RAD54B: variants seen among roughly 807,000 people sequenced by gnomAD.
RAD54B encodes RAD54 homolog B.
In RAD54B, 78 loss-of-function variants were observed where a neutral mutation model predicts 95.8. The observed-to-expected ratio is 0.81, with a 90% CI of 0.68 to 0.98. RAD54B has a LOEUF of 0.98. Ranked by LOEUF, RAD54B falls within the 50% of genes least tolerant of loss-of-function variation. The probability of loss-of-function intolerance (pLI) is 0.00; values close to 1 mark genes in which losing one functional copy is unlikely to be tolerated. For missense variants in RAD54B, 957 were observed against 1,056.6 expected (o/e 0.91, Z 1.31); for synonymous variants, 328 against 354.9 (o/e 0.92, Z 0.85).
intron 3 of RAD54B, chr8:94,436,689 G>A (rs773504784): frequency 6.4e-7 from 1 of 1,550,664 alleles, no homozygotes; most frequent in South Asian, 1.2e-5. Flanking sequence ...TTCGAGGAGG[G>A]CGGTCTACTC....
intron 3 of RAD54B, among the ~76,000 whole-genome samples, chr8:94,455,114 A>G (rs1812751261): frequency 6.6e-6 from 1 of 152,212 alleles, no homozygotes; most frequent in Non-Finnish European, 1.5e-5. Context: ...CTTTATTTAC[A>G]TACTTACTCG....
chr8:94,420,761 G>A (rs1002377423), intron 3 of RAD54B, among the ~76,000 whole-genome samples: 1 of 151,990 alleles, frequency 6.6e-6, no homozygotes, highest in Non-Finnish European at 1.5e-5. Context: ...AAGGTGGGCG[G>A]ATCACCTGAG....
At chr8:94,431,427 T>G (rs1212998318) in intron 3 of RAD54B, 1 of 981,630 alleles carries the variant, frequency 1.0e-6, no homozygotes, top group Non-Finnish European at 1.2e-6. Context: ...AAAGGCAATT[T>G]TAATGAAAGA....
chr8:94,404,075 A>C lies in RAD54B; in HGVS notation c.944+2T>G. 6.3e-7 allele frequency: 1 copy of C among 1,584,382 alleles called. No individual in the cohort carries two copies. The highest frequency in any genetic ancestry group is 8.6e-7 in the Non-Finnish European group (1 of 1,164,874). On this transcript the variant is annotated splice_donor_variant, in intron 6 of 14. Transcript: ENST00000336148. LOFTEE classifies it high-confidence loss of function. Reference sequence around the variant, plus strand: ...GATTAAACAAATGATTTATTTTCCTACCTCATTCCCATTACACATTCATAA... The same window carrying C: ...GATTAAACAAATGATTTATTTTCCTCCCTCATTCCCATTACACATTCATAA...
At chr8:94,436,922 T>C in intron 3 of RAD54B, 1 of 1,460,202 alleles carries the variant, frequency 6.8e-7, no homozygotes, top group Non-Finnish European at 9.0e-7. Context: ...AGCCTTCAGC[T>C]CTGCTCAGCT....
chr8:94,453,431 G>A (rs982585799), intron 3 of RAD54B, among the ~76,000 whole-genome samples: 1 of 152,106 alleles, frequency 6.6e-6, no homozygotes, highest in African/African-American at 2.4e-5. Flanking sequence ...TCAGGAGGCT[G>A]AGGCAGAAGA....
At chr8:94,373,338 C>G (rs1482475677) in intron 14 of RAD54B, among the ~76,000 whole-genome samples, 1 of 152,254 alleles carries the variant, frequency 6.6e-6, no homozygotes, top group African/African-American at 2.4e-5. Context: ...AAATCCATTT[C>G]TCTTTCCTCC....
chr8:94,427,626 T>C (rs1002626191), intron 3 of RAD54B: 3 of 679,106 alleles, frequency 4.4e-6, no homozygotes, highest in East Asian at 2.7e-4. Flanking sequence ...TCTAAATAAA[T>C]GTATTTCAAT....
At chr8:94,436,754 T>G in intron 3 of RAD54B, 1 of 1,550,656 alleles carries the variant, frequency 6.4e-7, no homozygotes, top group Non-Finnish European at 8.7e-7. Flanking sequence ...TTTTCTACTA[T>G]TACTGAATGT....
chr8:94,434,605 T>TA, intron 3 of RAD54B, among the ~76,000 whole-genome samples: 1 of 151,972 alleles, frequency 6.6e-6, no homozygotes, highest in African/African-American at 2.4e-5. Context: ...CATATTTATG[T>TA]AGAAGTATAG....
intron 3 of RAD54B, chr8:94,432,667 C>A (rs1326070087): frequency 1.4e-6 from 2 of 1,469,204 alleles, no homozygotes; most frequent in African/African-American, 1.4e-5. Context: ...CTATAGCACA[C>A]AAAAAAGCAT....
chr8:94,428,934 T>C, intron 3 of RAD54B: 2 of 984,076 alleles, frequency 2.0e-6, no homozygotes, highest in Non-Finnish European at 1.2e-6. Flanking sequence ...AAAAGGATTC[T>C]ATGGTCAAAT....
At chr8:94,473,506 TAAATG>T (rs1253592551) in intron 1 of RAD54B, among the ~76,000 whole-genome samples, 4 of 152,202 alleles carry the variant, frequency 2.6e-5, no homozygotes, top group Non-Finnish European at 5.9e-5. Flanking sequence ...TTGGGAGGAT[TAAATG>T]AAATATGTAA....
intron 10 of RAD54B, among the ~76,000 whole-genome samples, chr8:94,387,790 C>A (rs1031834588): frequency 9.2e-5 from 14 of 152,072 alleles, no homozygotes; most frequent in Non-Finnish European, 2.1e-4. Context: ...CTGAAATTCC[C>A]CCTCCAAAAC....
chr8:94,393,119 G>T lies in RAD54B; in HGVS notation c.1518+624C>A, dbSNP rs957009833. Among the ~76,000 whole-genome samples, 12 of 152,014 alleles carry T rather than the reference G, an allele frequency of 7.9e-5. 1 individual carries two copies. The highest frequency in any genetic ancestry group is 6.6e-4 in the Admixed American group (10 of 15,264). Reference sequence around the variant, plus strand: ...TTACAGGAATGAGCCACCACACCCAGCCAGCTAAGTTTTTAAATAAATGTA... The same window carrying T: ...TTACAGGAATGAGCCACCACACCCATCCAGCTAAGTTTTTAAATAAATGTA... On this transcript the variant is annotated intron_variant, in intron 9 of 14. Transcript: ENST00000336148.
intron 3 of RAD54B, among the ~76,000 whole-genome samples, chr8:94,425,439 AT>A (rs1811919929): frequency 6.6e-6 from 1 of 152,060 alleles, no homozygotes; most frequent in South Asian, 2.1e-4. Context: ...ATATAATCAA[AT>A]TCAATAAAGA....
intron 3 of RAD54B, among the ~76,000 whole-genome samples, chr8:94,419,636 T>C (rs1477797326): frequency 6.6e-6 from 1 of 151,836 alleles, no homozygotes; most frequent in Admixed American, 6.6e-5. Context: ...TAAGAATCCA[T>C]TTAATATTTT....
chr8:94,411,223 G>T lies in RAD54B; in HGVS notation c.397C>A (p.Pro133Thr). The T allele has an allele frequency of 6.2e-7, 1 of 1,610,902 alleles. No homozygotes were observed. The highest frequency in any genetic ancestry group is 1.7e-5 in the Admixed American group (1 of 59,506). ...VKYFSVVWCK[P>T]SKKKHKKWEG... is the part of the protein sequence containing the mutation. ...CACTTTTTATGTTTTTTCTTTGAAG[G>T]CTTACACCAAACAACACTGAAATAT... Residue 133 changes from proline (P) to threonine (T), a missense_variant, in exon 4 of 15, where the codon CCT becomes ACT. Physicochemically the swap from Pro to Thr is conservative, Grantham distance 38. Transcript: ENST00000336148.
intron 3 of RAD54B, among the ~76,000 whole-genome samples, chr8:94,426,279 A>C (rs1230538540): frequency 6.6e-6 from 1 of 152,020 alleles, no homozygotes; most frequent in Admixed American, 6.5e-5. Context: ...AAAAAAAAAA[A>C]AACTCATACC....
Sources: allele counts gnomAD v4.1 joint callset (sites outside exome capture counted in the v4.1 genomes callset), GRCh38; gene constraint gnomAD v4.1.1; transcripts MANE v1.5; gene names NCBI Gene and HGNC (gene_info 2026-07-23, HGNC 2026-07-21).